The following GNPTAB variants were observed in gnomAD, a reference collection of about 807,000 sequenced individuals.
GNPTAB encodes N-acetylglucosamine-1-phosphate transferase subunits alpha and beta.
In GNPTAB, 92 loss-of-function variants were observed where a neutral mutation model predicts 136.6. The ratio of observed to expected loss-of-function variants is 0.67; its 90% CI spans 0.57 to 0.80. The LOEUF (loss-of-function observed/expected upper bound fraction) is 0.80, where lower values mean the gene tolerates loss of function less well. Among genes scored for constraint, GNPTAB ranks in the 30% least tolerant of loss-of-function variants. The probability of loss-of-function intolerance (pLI) is 0.00; values close to 1 mark genes in which losing one functional copy is unlikely to be tolerated. For synonymous variants in GNPTAB, 512 were observed against 535.1 expected, an observed-to-expected ratio of 0.96 and a Z score of 0.60; for missense variants, 1,343 against 1,501.8, an observed-to-expected ratio of 0.89 and a Z score of 1.75.
At chr12:101,752,019 T>TA (rs5800485) in intron 19 of GNPTAB, among the ~76,000 whole-genome samples, 46 of 145,976 alleles carry the variant, frequency 3.2e-4, no homozygotes, top group South Asian at 1.5e-3. Flanking sequence ...ACAGTTAAGT[T>TA]AAAAAAAAAA....
rs368240427 is a variant in GNPTAB, at chr12:101,774,947, A to AT, written c.772-3791dup. Among the ~76,000 whole-genome samples the AT allele has an allele frequency of 3.5e-3, 533 of 152,346 alleles. 3 individuals are homozygous for AT. Among genetic ancestry groups the AT allele is most frequent in the African/African-American group, 0.012 (513 of 41,580 alleles). On this transcript the variant is annotated intron_variant, in intron 7 of 20. Coordinates refer to ENST00000299314, the MANE Select transcript of GNPTAB (RefSeq NM_024312.5). ...TAAAAATCATGATATCAAACTGGTC[A>AT]TTTTTCAATGCCAAAAAGAAAGGCT...
chr12:101,790,165 G>T, intron 2 of GNPTAB, 108 bp from the exon 3 acceptor site: 1 of 1,441,046 alleles, frequency 6.9e-7, no homozygotes, highest in Non-Finnish European at 9.7e-7. Flanking sequence ...AATCTCTGAA[G>T]AAGTAATCCA....
At chr12:101,773,996 C>A (rs1249726825) in intron 7 of GNPTAB, among the ~76,000 whole-genome samples, 1 of 152,206 alleles carries the variant, frequency 6.6e-6, no homozygotes, top group Admixed American at 6.5e-5. Context: ...GTGAACAACA[C>A]GTAGCATGAC....
rs1952916742 is a variant in GNPTAB, at chr12:101,757,325, A to T, written c.3336-15T>A. The T allele has an allele frequency of 7.2e-7, 1 of 1,398,596 alleles. No homozygotes were observed. The highest frequency in any genetic ancestry group is 1.0e-6 in the Non-Finnish European group (1 of 987,902). 86.6% of individuals were successfully genotyped at this position (1,398,596 alleles called of 1,614,324 possible). A position where few individuals can be genotyped will look rare whatever the true frequency, so the allele number is the denominator to read the frequency against. On this transcript the variant is annotated splice_polypyrimidine_tract_variant and intron_variant, in intron 17 of 20. Coordinates refer to ENST00000299314, the MANE Select transcript of GNPTAB (RefSeq NM_024312.5). ...TGATTTCAAACCTAATTATCAAAAC[A>T]TATTTGAAGAGTTTAAATAATTACA...
intron 1 of GNPTAB, among the ~76,000 whole-genome samples, chr12:101,809,672 A>G (rs79070432): frequency 0.069 from 10,450 of 152,284 alleles, 923 homozygotes; most frequent in African/African-American, 0.2. Context: ...ATATTATGTG[A>G]TTCCAAGAAA....
At chr12:101,810,800 G>A (rs1367296648) in intron 1 of GNPTAB, 6 of 152,098 alleles carry the variant, frequency 3.9e-5, no homozygotes, top group Admixed American at 6.6e-5. Flanking sequence ...GCTGCTTTGG[G>A]ACAGGTGGTG....
rs761471268 is a variant in GNPTAB at position 101,764,311 on chromosome 12, T to C, written c.2606A>G (p.His869Arg). 1 of 1,614,058 alleles carries C rather than the reference T, an allele frequency of 6.2e-7. No homozygotes were observed. Among genetic ancestry groups the C allele is most frequent in the Non-Finnish European group, 8.5e-7 (1 of 1,180,006 alleles). Residue 869 changes from histidine (H) to arginine (R), a missense_variant, in exon 13 of 21, where the codon CAC becomes CGC. By Grantham distance (29) the His-to-Arg change is conservative. Transcript: ENST00000299314. ...AAGTAACACTTCAGTAACGCCTATGTGATTTTCAGCATTTTCCTCCATTCT... is the reference window on the plus strand; with the variant it reads ...AAGTAACACTTCAGTAACGCCTATGCGATTTTCAGCATTTTCCTCCATTCT... ...NSRMEENAENHIGVTEVLLGR... is the reference protein window; with the variant it reads ...NSRMEENAENRIGVTEVLLGR...
At chr12:101,792,076 A>C (rs2137153206) in intron 2 of GNPTAB, among the ~76,000 whole-genome samples, 1 of 152,342 alleles carries the variant, frequency 6.6e-6, no homozygotes, top group Middle Eastern at 3.4e-3. Flanking sequence ...GGGGATAGAA[A>C]GAGTGTCTAT....
rs772859541 is a variant in GNPTAB at position 101,764,435 on chromosome 12, C to T, written c.2482G>A (p.Gly828Arg). 1.4e-5 allele frequency: 23 copies of T among 1,613,452 alleles called. No individual in the cohort carries two copies. The highest frequency in any genetic ancestry group is 9.9e-5 in the South Asian group (9 of 91,028). ...GGGGGCTTTTCTTTTGTCACATTTC[C>T]GCCTATGGTTTTTTGGGTGTGAGTT... ...VETHTQKTIG[G>R]NVTKEKPPSL... The change falls in exon 13 of 21, where the codon GGA becomes AGA. Residue 828 changes from glycine (G) to arginine (R), a missense_variant. Transcript: ENST00000299314.
chr12:101,756,273 G>T, intron 18 of GNPTAB: 1 of 154,102 alleles, frequency 6.5e-6, no homozygotes. Context: ...TCCTCCAAAC[G>T]AGAACAGGGT....
Position 101,764,855 on chromosome 12 carries a change from T to C in GNPTAB, c.2062A>G (p.Arg688Gly). ...GGAATTTTCACCTCTTCCTGGGCTC[T>C]CCTTGTTGAGTTAACATCATGTCTC... ...FKRHDVNSTRRAQEEVKIPLV... is the reference protein window; with the variant it reads ...FKRHDVNSTRGAQEEVKIPLV... The change falls in exon 13 of 21, where the codon AGA becomes GGA. Residue 688 changes from arginine (R) to glycine (G), a missense_variant. By Grantham distance (125) the Arg-to-Gly change is moderately radical. Transcript: ENST00000299314. The C allele has an allele frequency of 6.2e-7, 1 of 1,614,202 alleles. No individual in the cohort carries two copies. The highest frequency in any genetic ancestry group is 8.5e-7 in the Non-Finnish European group (1 of 1,180,028).
chr12:101,782,001 CG>C (rs1566083634), intron 5 of GNPTAB, among the ~76,000 whole-genome samples: 3 of 152,150 alleles, frequency 2.0e-5, no homozygotes, highest in African/African-American at 7.2e-5. Flanking sequence ...GTAACAAAGC[CG>C]CAATCAACCT....
intron 7 of GNPTAB, among the ~76,000 whole-genome samples, chr12:101,776,080 T>C (rs1461996806): frequency 6.6e-6 from 1 of 151,384 alleles, no homozygotes; most frequent in African/African-American, 2.4e-5. Flanking sequence ...CTATAAATGC[T>C]TGAGGGCAGG....
intron 1 of GNPTAB, among the ~76,000 whole-genome samples, chr12:101,798,529 A>T (rs1371342713): frequency 6.6e-6 from 1 of 152,204 alleles, no homozygotes; most frequent in East Asian, 1.9e-4. Flanking sequence ...AACTTACACA[A>T]ATCTATTATA....
rs1045461534 is a variant in GNPTAB, at chr12:101,815,826, G to A, written c.117+14733C>T. ...CCACAGAGCTATAGAAACTAAAACG[G>A]CATGGTGCTGGTATAAAACAGTCAC... On this transcript the variant is annotated intron_variant, in intron 1 of 20. Coordinates refer to ENST00000299314, the MANE Select transcript of GNPTAB (RefSeq NM_024312.5). 3.9e-5 allele frequency among the ~76,000 whole-genome samples: 6 copies of A among 152,134 alleles called. No homozygotes were observed. The East Asian group carries it at 1.2e-3, about 29-fold the overall frequency.
At chr12:101,806,456 G>A (rs976251502) in intron 1 of GNPTAB, among the ~76,000 whole-genome samples, 6 of 152,170 alleles carry the variant, frequency 3.9e-5, no homozygotes, top group African/African-American at 1.4e-4. Context: ...TGTTTGGGGC[G>A]ATGAAAAAGT....
At chr12:101,767,829 G>A (rs762012977) in intron 11 of GNPTAB, 1 of 661,156 alleles carries the variant, frequency 1.5e-6, no homozygotes, top group Non-Finnish European at 2.7e-6. Flanking sequence ...TGTTGCCCAA[G>A]CTGGTCTTGA....
At chr12:101,796,500 T>G in intron 2 of GNPTAB, 177 bp downstream of exon 2, 1 of 620,034 alleles carries the variant, frequency 1.6e-6, no homozygotes, top group Non-Finnish European at 2.8e-6. Flanking sequence ...AGTTTTTTTT[T>G]CCTTTTTTTT....
chr12:101,803,511 C>T (rs1246037816), intron 1 of GNPTAB, among the ~76,000 whole-genome samples: 1 of 152,200 alleles, frequency 6.6e-6, no homozygotes, highest in Non-Finnish European at 1.5e-5. Flanking sequence ...GATTTCTTCT[C>T]TTCACATAAA....
Sources: allele counts gnomAD v4.1 joint callset (sites outside exome capture counted in the v4.1 genomes callset), GRCh38; gene constraint gnomAD v4.1.1; transcripts MANE v1.5; gene names NCBI Gene and HGNC (gene_info 2026-07-23, HGNC 2026-07-21).